GNAL: variants seen among roughly 807,000 people sequenced by gnomAD.
GNAL encodes G protein subunit alpha L, also known as guanine nucleotide-binding protein G(olf) subunit alpha.
In GNAL, 18 loss-of-function variants were observed where a neutral mutation model predicts 55.1. The ratio of observed to expected loss-of-function variants is 0.33; its 90% CI spans 0.23 to 0.48. GNAL has a LOEUF of 0.48. Ranked by LOEUF, GNAL falls within the 20% of genes least tolerant of loss-of-function variation. GNAL has a pLI of 0.99. For synonymous variants in GNAL, 253 were observed against 237.0 expected (o/e 1.07, Z -0.62); for missense variants, 412 against 614.1 (o/e 0.67, Z 3.48).
intron 4 of GNAL, among the ~76,000 whole-genome samples, chr18:11,822,529 G>A (rs1417638121): frequency 1.3e-5 from 2 of 152,114 alleles, no homozygotes; most frequent in Admixed American, 6.6e-5. Flanking sequence ...GCTTGAGCTC[G>A]GGAGGTCAAG....
intron 4 of GNAL, among the ~76,000 whole-genome samples, chr18:11,784,646 AT>A (rs1438186785): frequency 6.6e-6 from 1 of 152,110 alleles, no homozygotes; most frequent in Non-Finnish European, 1.5e-5. Flanking sequence ...ACAAATTAGC[AT>A]TTTATTTCTA....
intron 4 of GNAL, among the ~76,000 whole-genome samples, chr18:11,770,359 A>G (rs2033595009): frequency 6.6e-6 from 1 of 152,234 alleles, no homozygotes; most frequent in African/African-American, 2.4e-5. Context: ...TGATATTTTC[A>G]TAGCAAAACC....
At chr18:11,846,393 G>A (rs956465596) in intron 5 of GNAL, among the ~76,000 whole-genome samples, 5 of 146,666 alleles carry the variant, frequency 3.4e-5, no homozygotes, top group African/African-American at 1.2e-4. Flanking sequence ...TTTTTAAATC[G>A]ACATCATTTT....
chr18:11,752,281 C>T lies in GNAL; in HGVS notation c.377-572C>T. 7.0e-7 allele frequency: 1 copy of T among 1,419,226 alleles called. No individual in the cohort carries two copies. Among genetic ancestry groups the T allele is most frequent in the Non-Finnish European group, 9.2e-7 (1 of 1,088,436 alleles). The allele number at this position is 1,419,226 out of a possible 1,614,324, so 87.9% of individuals were successfully genotyped here. On this transcript the variant is annotated intron_variant, in intron 1 of 11. Transcript: ENST00000334049. This position sits in a 1 kb window ranked among gnomAD's most constrained non-coding sequence, Gnocchi z 4.5. The stretch of plus-strand genomic sequence containing the variant: ...TGGGCAGGGGGAGGGAGAAGAAACG[C>T]CTGCTCTGAATCGGAAAACACCGAA...
chr18:11,822,228 C>T (rs1168302533), intron 4 of GNAL, among the ~76,000 whole-genome samples: 1 of 152,158 alleles, frequency 6.6e-6, no homozygotes, highest in Non-Finnish European at 1.5e-5. Context: ...TCACTTGAGC[C>T]TGGAGTTCGA....
chr18:11,814,246 C>T (rs2143588368), intron 4 of GNAL, among the ~76,000 whole-genome samples: 1 of 152,244 alleles, frequency 6.6e-6, no homozygotes, highest in South Asian at 2.1e-4. Context: ...AACACTGGGC[C>T]GGGCACGGTG....
chr18:11,823,147 C>T (rs986036348), intron 4 of GNAL, among the ~76,000 whole-genome samples: 20 of 151,926 alleles, frequency 1.3e-4, no homozygotes, highest in Admixed American at 8.5e-4. Context: ...GATCTTTACA[C>T]GTGTGTGTGT....
chr18:11,824,878 C>CAAA, intron 4 of GNAL, 40 bp from the exon 5 acceptor site: 3 of 1,029,214 alleles, frequency 2.9e-6, no homozygotes, highest in Non-Finnish European at 4.5e-6. Context: ...AAGGTTATTA[C>CAAA]ACTTTTTTTT....
chr18:11,701,036 C>T (rs2031554554), intron 1 of GNAL, among the ~76,000 whole-genome samples: 1 of 152,186 alleles, frequency 6.6e-6, no homozygotes. Context: ...TTCCACAAGG[C>T]AGAGAGCACA....
In GNAL at chr18:11,751,028, C is replaced by T. The variant is rs1181312509; in HGVS notation, c.377-1825C>T. Among the ~76,000 whole-genome samples the T allele has an allele frequency of 2.0e-5, 3 of 152,076 alleles. No homozygotes were observed. Among genetic ancestry groups the T allele is most frequent in the Non-Finnish European group, 2.9e-5 (2 of 68,020 alleles). On this transcript the variant is annotated intron_variant, in intron 1 of 11. Transcript: ENST00000334049. The surrounding 1 kb of genome is among the most constrained non-coding windows in gnomAD (Gnocchi z 4.5). ...CTGGGGTCTGTTCTCCTGAAGAAGG[C>T]CAGCTCCGCAGTGAAGAAGACCGTG...
intron 4 of GNAL, among the ~76,000 whole-genome samples, chr18:11,762,836 T>A (rs1485488358): frequency 3.9e-5 from 6 of 152,180 alleles, no homozygotes; most frequent in Admixed American, 2.0e-4. Flanking sequence ...CTCTGGGAAT[T>A]TGTCTGTCAT....
At chr18:11,766,990 T>C (rs1465910562) in intron 4 of GNAL, among the ~76,000 whole-genome samples, 2 of 152,226 alleles carry the variant, frequency 1.3e-5, no homozygotes, top group African/African-American at 4.8e-5. Flanking sequence ...TCACAAGAGT[T>C]TCCTGTTCAA....
In GNAL at chr18:11,877,328, G is replaced by A. The variant is rs374821881; in HGVS notation, c.1230+640G>A. 2.2e-4 allele frequency among the ~76,000 whole-genome samples: 34 copies of A among 152,212 alleles called. No homozygotes were observed. In the East Asian group the frequency reaches 4.1e-3, roughly 18 times the overall value. On this transcript the variant is annotated intron_variant, in intron 11 of 11. Coordinates refer to ENST00000334049, the MANE Select transcript of GNAL (RefSeq NM_182978.4). ...AAATTAGCTGGGTGTGGTGGCATGC[G>A]CCTGTAATCCCAGCTACTCTGGAGG... is the stretch of plus-strand genomic sequence containing the variant.
intron 11 of GNAL, among the ~76,000 whole-genome samples, 197 bp from the exon 12 acceptor site, chr18:11,880,792 G>C (rs935640854): frequency 6.6e-6 from 1 of 152,028 alleles, no homozygotes; most frequent in African/African-American, 2.4e-5. Context: ...AGCCTCCTGG[G>C]GGCAATGATA....
At chr18:11,876,782 T>C in intron 11 of GNAL, 94 bp downstream of exon 11, 1 of 795,534 alleles carries the variant, frequency 1.3e-6, no homozygotes, top group Non-Finnish European at 2.3e-6. Flanking sequence ...TCTCATTTAA[T>C]CTTCCTTAAC....
intron 4 of GNAL, among the ~76,000 whole-genome samples, chr18:11,790,661 CTT>C (rs397941591): frequency 1.4e-5 from 1 of 71,446 alleles, no homozygotes; most frequent in Non-Finnish European, 3.1e-5. Context: ...CTTTTTTTTT[CTT>C]TTTTTTTTTT....
chr18:11,694,356 C>A (rs1158629953), intron 1 of GNAL, among the ~76,000 whole-genome samples: 1 of 152,212 alleles, frequency 6.6e-6, no homozygotes, highest in Admixed American at 6.5e-5. Flanking sequence ...CCCATGGGGT[C>A]GATCCTGATG....
chr18:11,876,501 A>G (rs764139745), intron 10 of GNAL, 120 bp from the exon 11 acceptor site: 11 of 714,366 alleles, frequency 1.5e-5, no homozygotes, highest in Admixed American at 7.0e-5. Context: ...GCCTTGCTGT[A>G]CATGTATTTT....
intron 1 of GNAL, among the ~76,000 whole-genome samples, chr18:11,742,533 G>C (rs760805411): frequency 6.6e-6 from 1 of 152,236 alleles, no homozygotes; most frequent in East Asian, 1.9e-4. Context: ...TGCACCCAGC[G>C]GAGGGGCTGC....
Sources: allele counts gnomAD v4.1 joint callset (sites outside exome capture counted in the v4.1 genomes callset), GRCh38; gene constraint gnomAD v4.1.1; non-coding constraint Gnocchi (gnomAD v3.1); transcripts MANE v1.5; gene names NCBI Gene and HGNC (gene_info 2026-07-23, HGNC 2026-07-21).